Variants in KCNN3 observed in about 807,000 individuals in gnomAD.
KCNN3 encodes small conductance calcium-activated potassium channel protein 3.
A neutral mutation model predicts 62.9 loss-of-function variants in KCNN3; 16 were observed. The ratio of observed to expected loss-of-function variants is 0.25; its 90% CI spans 0.17 to 0.39. KCNN3 has a LOEUF of 0.39. Among genes scored for constraint, KCNN3 ranks in the 10% least tolerant of loss-of-function variants. The pLI, the probability that KCNN3 is intolerant of heterozygous loss-of-function variation, is 1.00. For synonymous variants in KCNN3, 370 were observed against 389.2 expected (o/e 0.95, Z 0.58); for missense variants, 599 against 949.4 (o/e 0.63, Z 4.85).
intron 3 of KCNN3, among the ~76,000 whole-genome samples, chr1:154,739,915 A>T (rs1700793991): frequency 6.6e-6 from 1 of 152,258 alleles, no homozygotes; most frequent in African/African-American, 2.4e-5. Flanking sequence ...CCTGGCTGAC[A>T]GCCTGACAAT....
At chr1:154,754,406 T>C (rs1021392783) in intron 3 of KCNN3, among the ~76,000 whole-genome samples, 2 of 152,024 alleles carry the variant, frequency 1.3e-5, no homozygotes, top group East Asian at 1.9e-4. Context: ...GCCTGAGAGA[T>C]GGTTGCAGCC....
chr1:154,826,016 C>G (rs1407209853), intron 1 of KCNN3, among the ~76,000 whole-genome samples: 1 of 148,578 alleles, frequency 6.7e-6, no homozygotes, highest in Admixed American at 6.7e-5. Context: ...CCACTGCACT[C>G]CAGCCTGGGT....
intron 1 of KCNN3, among the ~76,000 whole-genome samples, chr1:154,826,859 G>C (rs1374267685): frequency 6.6e-6 from 1 of 152,238 alleles, no homozygotes; most frequent in Non-Finnish European, 1.5e-5. Flanking sequence ...TACAGACAGA[G>C]ACCTGGAGGG....
chr1:154,751,497 C>T lies in KCNN3; in HGVS notation c.1449-18353G>A, dbSNP rs184096790. Among the ~76,000 whole-genome samples the T allele has an allele frequency of 3.0e-3, 451 of 152,330 alleles. 2 individuals are homozygous for T. The highest frequency in any genetic ancestry group is 0.01 in the African/African-American group (436 of 41,576). On this transcript the variant is annotated intron_variant, in intron 3 of 7. Transcript: ENST00000271915. Reference sequence around the variant, plus strand: ...CTGGCCATGCCTCAGGGAGCTGCAGCAGGTGCCTCTCAAGTTACACAGAAC... The same window carrying T: ...CTGGCCATGCCTCAGGGAGCTGCAGTAGGTGCCTCTCAAGTTACACAGAAC...
intron 3 of KCNN3, among the ~76,000 whole-genome samples, chr1:154,734,573 T>G (rs1700670228): frequency 1.3e-5 from 2 of 152,234 alleles, no homozygotes; most frequent in African/African-American, 4.8e-5. Context: ...CTGCTTTTCC[T>G]TCCCTTGGCG....
chr1:154,811,077 G>C (rs781565220), intron 2 of KCNN3, among the ~76,000 whole-genome samples: 7 of 152,234 alleles, frequency 4.6e-5, no homozygotes, highest in Admixed American at 1.3e-4. Flanking sequence ...ACAGTCTCCA[G>C]CACACAAGAG....
At chr1:154,827,322 C>CCGCAT (rs1185010358) in intron 1 of KCNN3, among the ~76,000 whole-genome samples, 1 of 152,182 alleles carries the variant, frequency 6.6e-6, no homozygotes, top group Non-Finnish European at 1.5e-5. Context: ...AAAGGGAAGA[C>CCGCAT]CGCATCACTG....
Position 154,772,415 on chromosome 1 carries a change from T to C in KCNN3, c.1030-22A>G. On this transcript the variant is annotated intron_variant, in intron 2 of 7. Transcript: ENST00000271915. This position sits in a 1 kb window ranked among gnomAD's most constrained non-coding sequence, Gnocchi z 5.6. ...AGAGCTGGTGGGAGCAGAAAGTCCATTAGTGTGGCCAGGACCAGGAAGCCC... is the reference window on the plus strand; with the variant it reads ...AGAGCTGGTGGGAGCAGAAAGTCCACTAGTGTGGCCAGGACCAGGAAGCCC... 1.2e-6 allele frequency: 2 copies of C among 1,612,892 alleles called. No homozygotes were observed. Among genetic ancestry groups the C allele is most frequent in the Non-Finnish European group, 1.7e-6 (2 of 1,179,496 alleles).
intron 1 of KCNN3, among the ~76,000 whole-genome samples, chr1:154,850,424 C>T (rs1652256254): frequency 6.6e-6 from 1 of 152,188 alleles, no homozygotes; most frequent in Admixed American, 6.5e-5. Context: ...CCTCCAAGCC[C>T]GGGTGCCAGC....
rs529070514 is a variant in KCNN3, at chr1:154,702,741, A to C, written c.*5235T>G. On this transcript the variant is annotated 3_prime_UTR_variant, in exon 8 of 8. Coordinates refer to ENST00000271915, the MANE Select transcript of KCNN3 (RefSeq NM_002249.6). ...TATATATATATATATATATATATAT[A>C]TATATATGTACTTTTTCTTTTTGGC... The C allele has an allele frequency of 8.7e-6, 1 of 114,758 alleles. No homozygotes were observed. Among genetic ancestry groups the C allele is most frequent in the African/African-American group, 3.7e-5 (1 of 27,104 alleles). The allele number at this position is 114,758 out of a possible 1,614,324, so 7.1% of individuals were successfully genotyped here.
chr1:154,773,650 AC>A (rs34484926), intron 2 of KCNN3, among the ~76,000 whole-genome samples: 1 of 151,650 alleles, frequency 6.6e-6, no homozygotes, highest in Non-Finnish European at 1.5e-5. Flanking sequence ...TGTGGGAACC[AC>A]CCCCTCCTTT....
At chr1:154,820,833 C>T (rs757504788) in intron 2 of KCNN3, among the ~76,000 whole-genome samples, 5 of 152,206 alleles carry the variant, frequency 3.3e-5, no homozygotes, top group African/African-American at 1.2e-4. Context: ...CAGAATGCAG[C>T]CCTGCCAAGG....
At chr1:154,825,156 C>A (rs192647058) in intron 1 of KCNN3, among the ~76,000 whole-genome samples, 188 of 152,258 alleles carry the variant, frequency 1.2e-3, no homozygotes, top group Non-Finnish European at 2.3e-3. Flanking sequence ...TGACACCGGG[C>A]TGCCATACAT....
intron 1 of KCNN3, among the ~76,000 whole-genome samples, chr1:154,830,355 C>T (rs776874734): frequency 3.9e-5 from 6 of 152,230 alleles, no homozygotes; most frequent in Admixed American, 6.5e-5. Context: ...CCTGTGCTCT[C>T]ACCACTGATC....
At chr1:154,754,712 G>A (rs950600504) in intron 3 of KCNN3, among the ~76,000 whole-genome samples, 10 of 152,184 alleles carry the variant, frequency 6.6e-5, no homozygotes, top group African/African-American at 1.7e-4. Flanking sequence ...AGGAGCCTGC[G>A]TCCCTGATGA....
At chr1:154,864,632 G>C (rs900001459) in intron 1 of KCNN3, among the ~76,000 whole-genome samples, 1 of 152,250 alleles carries the variant, frequency 6.6e-6, no homozygotes, top group African/African-American at 2.4e-5. Flanking sequence ...TGAAGAAAGA[G>C]TAACTAGAAG....
intron 3 of KCNN3, among the ~76,000 whole-genome samples, chr1:154,742,566 T>C (rs1438145292): frequency 6.6e-6 from 1 of 152,228 alleles, no homozygotes; most frequent in African/African-American, 2.4e-5. Context: ...AAAAGTGCTA[T>C]TTTCATCTCG....
intron 1 of KCNN3, among the ~76,000 whole-genome samples, chr1:154,846,244 C>G (rs1273501776): frequency 6.6e-6 from 1 of 152,220 alleles, no homozygotes; most frequent in African/African-American, 2.4e-5. Flanking sequence ...CTTGCCTTAC[C>G]CTTACTTCAC....
intron 4 of KCNN3, among the ~76,000 whole-genome samples, chr1:154,728,757 A>C (rs1700527799): frequency 6.6e-6 from 1 of 152,130 alleles, no homozygotes; most frequent in African/African-American, 2.4e-5. Flanking sequence ...CCTAAACAGC[A>C]AGGGTCAAGG....
Sources: allele counts gnomAD v4.1 joint callset (sites outside exome capture counted in the v4.1 genomes callset), GRCh38; gene constraint gnomAD v4.1.1; non-coding constraint Gnocchi (gnomAD v3.1); transcripts MANE v1.5; gene names NCBI Gene and HGNC (gene_info 2026-07-23, HGNC 2026-07-21).